Variants in NAALADL2 observed in about 807,000 individuals in gnomAD.
NAALADL2 encodes the protein N-acetylated alpha-linked acidic dipeptidase like 2, also known as inactive N-acetylated-alpha-linked acidic dipeptidase-like protein 2.
In NAALADL2, 76 loss-of-function variants were observed where a neutral mutation model predicts 87.2. That is an observed-to-expected ratio of 0.87 (90% confidence interval 0.72 to 1.05). The LOEUF is 1.05. Ranked by LOEUF, NAALADL2 falls within the 50% of genes least tolerant of loss-of-function variation. The pLI is 0.00. For synonymous variants in NAALADL2, 354 were observed against 331.0 expected, an observed-to-expected ratio of 1.07 and a Z score of -0.75; for missense variants, 1,089 against 945.8, an observed-to-expected ratio of 1.15 and a Z score of -1.99.
At chr3:175,477,072 A>G (rs1030114072) in intron 9 of NAALADL2, among the ~76,000 whole-genome samples, 5 of 152,064 alleles carry the variant, frequency 3.3e-5, no homozygotes, top group Non-Finnish European at 4.4e-5. Flanking sequence ...CATCAGAGAA[A>G]AGGCCCACAT....
chr3:175,534,037 T>TTATTTATA (rs1734454844), intron 9 of NAALADL2, among the ~76,000 whole-genome samples: 3 of 149,706 alleles, frequency 2.0e-5, no homozygotes, highest in Non-Finnish European at 3.0e-5. Context: ...ATTTATTTAT[T>TTATTTATA]ATAAATAAAT....
chr3:174,710,196 A>G (rs752237866), intron 2 of NAALADL2, among the ~76,000 whole-genome samples: 2 of 150,168 alleles, frequency 1.3e-5, no homozygotes, highest in Non-Finnish European at 3.0e-5. Flanking sequence ...TAGGGAGACT[A>G]TCTGGATGGT....
chr3:174,780,189 C>G (rs998803595), intron 3 of NAALADL2, among the ~76,000 whole-genome samples: 1 of 152,116 alleles, frequency 6.6e-6, no homozygotes, highest in Non-Finnish European at 1.5e-5. Flanking sequence ...TCCTTCAAAT[C>G]CCTTGTAAGT....
intron 2 of NAALADL2, among the ~76,000 whole-genome samples, chr3:174,656,260 C>T (rs935361916): frequency 3.3e-5 from 5 of 152,076 alleles, no homozygotes; most frequent in Non-Finnish European, 5.9e-5. Flanking sequence ...CTAAGATTTC[C>T]GCAAAAGAAT....
intron 1 of NAALADL2, among the ~76,000 whole-genome samples, chr3:174,987,256 C>T (rs1412279598): frequency 2.0e-5 from 3 of 151,958 alleles, no homozygotes; most frequent in African/African-American, 7.3e-5. Flanking sequence ...TGTAAAATAC[C>T]TATATTTTTC....
At position 174,597,290 on chromosome 3, in the gene NAALADL2, G is replaced by T. The variant is rs192696951; in HGVS notation, c.-115+46653G>T. 1.7e-4 allele frequency among the ~76,000 whole-genome samples: 26 copies of T among 152,272 alleles called. 1 individual carries two copies. Among genetic ancestry groups the T allele is most frequent in the Admixed American group, 3.3e-4 (5 of 15,304 alleles). ...AAGCTCGTTAGAGATTTTGCCCAGG[G>T]TTGTCATTGTAGGATGATCACATAG... On this transcript the variant is annotated intron_variant, in intron 2 of 3. Coordinates refer to the NAALADL2 transcript ENST00000434257.
intron 3 of NAALADL2, among the ~76,000 whole-genome samples, chr3:174,851,648 C>T (rs1367483970): frequency 3.3e-5 from 5 of 151,928 alleles, no homozygotes; most frequent in Non-Finnish European, 5.9e-5. Flanking sequence ...AAAGAAAAGC[C>T]AAGGACCTAA....
At chr3:175,721,843 T>C (rs771351360) in intron 11 of NAALADL2, among the ~76,000 whole-genome samples, 45 of 152,222 alleles carry the variant, frequency 3.0e-4, no homozygotes, top group Non-Finnish European at 5.1e-4. Context: ...CGTGAGCTAC[T>C]CCTGGAGAAG....
chr3:174,746,334 C>G (rs1734246686), intron 3 of NAALADL2, among the ~76,000 whole-genome samples: 1 of 152,028 alleles, frequency 6.6e-6, no homozygotes, highest in South Asian at 2.1e-4. Flanking sequence ...TTCACAACTG[C>G]TACAAAGAGA....
At chr3:175,591,959 C>A (rs1721548182) in intron 10 of NAALADL2, among the ~76,000 whole-genome samples, 1 of 151,860 alleles carries the variant, frequency 6.6e-6, no homozygotes, top group Non-Finnish European at 1.5e-5. Context: ...GAGGCTGTAG[C>A]TATCAAATGA....
chr3:175,386,042 T>G (rs1768339798), intron 5 of NAALADL2, among the ~76,000 whole-genome samples: 1 of 152,002 alleles, frequency 6.6e-6, no homozygotes, highest in African/African-American at 2.4e-5. Flanking sequence ...TCCCATCTCC[T>G]CTCCTGTTAT....
intron 9 of NAALADL2, among the ~76,000 whole-genome samples, chr3:175,499,656 T>C (rs1450094900): frequency 2.0e-5 from 3 of 152,084 alleles, no homozygotes; most frequent in African/African-American, 7.2e-5. Flanking sequence ...CGTGGGCATT[T>C]CAAAATTATT....
At chr3:174,846,862 C>T (rs1212939099) in intron 3 of NAALADL2, among the ~76,000 whole-genome samples, 1 of 151,952 alleles carries the variant, frequency 6.6e-6, no homozygotes, top group Non-Finnish European at 1.5e-5. Flanking sequence ...TTTAGGAAGA[C>T]CACTATAGGA....
At chr3:175,697,430 C>CAG (rs1161077843) in intron 11 of NAALADL2, among the ~76,000 whole-genome samples, 12 of 147,618 alleles carry the variant, frequency 8.1e-5, no homozygotes, top group Non-Finnish European at 1.8e-4. Context: ...CACACACACA[C>CAG]ACAAAACCCT....
intron 10 of NAALADL2, among the ~76,000 whole-genome samples, chr3:175,581,471 C>T (rs532978190): frequency 2.2e-4 from 33 of 152,150 alleles, no homozygotes; most frequent in African/African-American, 7.0e-4. Flanking sequence ...AGCCTGAATA[C>T]AAGACAATTG....
At chr3:174,802,834 G>A (rs921553920) in intron 3 of NAALADL2, among the ~76,000 whole-genome samples, 2 of 151,978 alleles carry the variant, frequency 1.3e-5, no homozygotes, top group Non-Finnish European at 2.9e-5. Flanking sequence ...ATGCCTGTAT[G>A]GTATTCCATG....
intron 2 of NAALADL2, among the ~76,000 whole-genome samples, chr3:175,216,356 C>T (rs911014754): frequency 3.3e-5 from 5 of 152,136 alleles, no homozygotes; most frequent in African/African-American, 1.2e-4. Context: ...TCAATTACCT[C>T]AGACTTAATG....
intron 8 of NAALADL2, among the ~76,000 whole-genome samples, chr3:175,469,596 C>T (rs1329748563): frequency 6.6e-6 from 1 of 151,982 alleles, no homozygotes; most frequent in Non-Finnish European, 1.5e-5. Context: ...TAACATTTTG[C>T]TAAATAGGTT....
intron 2 of NAALADL2, among the ~76,000 whole-genome samples, chr3:174,563,445 T>C (rs1167980909): frequency 1.3e-5 from 2 of 151,730 alleles, no homozygotes; most frequent in East Asian, 1.9e-4. Flanking sequence ...AATCATACTC[T>C]TAAAAATGTG....
Sources: gnomAD v4.1 joint callset for allele counts (sites outside exome capture counted in the v4.1 genomes callset) on GRCh38, gnomAD v4.1.1 for gene constraint, MANE v1.5 for transcripts, NCBI Gene and HGNC (gene_info 2026-07-23, HGNC 2026-07-21) for gene names.